The following DPRX variants were observed in gnomAD, a reference collection of about 807,000 sequenced individuals.
DPRX encodes the protein divergent-paired related homeobox, also known as divergent paired-related homeobox.
In DPRX, 11 loss-of-function variants were observed where a neutral mutation model predicts 8.4. The observed-to-expected ratio is 1.31, with a 90% CI of 0.82 to 2.17. The LOEUF (loss-of-function observed/expected upper bound fraction) is 2.17, where lower values mean the gene tolerates loss of function less well. Among genes scored for constraint, DPRX ranks in the 30% most tolerant of loss-of-function variants. DPRX has a pLI of 0.00. For missense variants in DPRX, 211 were observed against 236.7 expected, an observed-to-expected ratio of 0.89 and a Z score of 0.71; for synonymous variants, 72 against 87.0, an observed-to-expected ratio of 0.83 and a Z score of 0.96.
the DPRX span, chr19:53,602,194 G>A: frequency 2.0e-5 from 9 of 450,172 alleles, no homozygotes; most frequent in African/African-American, 1.2e-4. Context: ...GGGAGAACAG[G>A]TTCAACTTCA....
chr19:53,601,862 A>T, the DPRX span: 1 of 368,732 alleles, frequency 2.7e-6, no homozygotes, highest in African/African-American at 2.1e-5. Context: ...TGGGGGCTGG[A>T]GGGGGTGTCC....
the DPRX span, among the ~76,000 whole-genome samples, chr19:53,621,676 T>A: frequency 6.6e-6 from 1 of 151,750 alleles, no homozygotes. Context: ...TCCCAGCTGC[T>A]AGGGAGGTTG....
At chr19:53,603,302 C>A in the DPRX span, 2 of 454,660 alleles carry the variant, frequency 4.4e-6, no homozygotes, top group Non-Finnish European at 4.4e-6. Context: ...CGGCCCCCTG[C>A]CGCATGCTAT....
At chr19:53,616,936 AC>A in the DPRX span, 1 of 1,308,518 alleles carries the variant, frequency 7.6e-7, no homozygotes, top group Non-Finnish European at 1.1e-6. Context: ...CTTCCTCATC[AC>A]CAGAGGAATC....
At chr19:53,617,251 G>T in the DPRX span, 1 of 760,064 alleles carries the variant, frequency 1.3e-6, no homozygotes, top group Non-Finnish European at 2.4e-6. Flanking sequence ...TCTCTGATGG[G>T]TTAGAGTGCC....
the DPRX span, chr19:53,601,483 CTTTTTTTT>C: frequency 9.4e-5 from 29 of 309,158 alleles, no homozygotes; most frequent in South Asian, 7.1e-4. Flanking sequence ...AATGCCTATT[CTTTTTTTT>C]TTTTTTTTGA....
chr19:53,630,712 T>G (rs2091089359), upstream of DPRX, among the ~76,000 whole-genome samples: 1 of 151,926 alleles, frequency 6.6e-6, no homozygotes, highest in South Asian at 2.1e-4. Flanking sequence ...AGTAGAGATG[T>G]GCAGAACTGA....
chr19:53,616,881 C>G, the DPRX span: 2 of 1,562,044 alleles, frequency 1.3e-6, no homozygotes, highest in Non-Finnish European at 1.8e-6. Flanking sequence ...CCTGGCTGCA[C>G]ATGCCGTTGG....
chr19:53,618,448 A>G, the DPRX span, among the ~76,000 whole-genome samples: 1 of 151,782 alleles, frequency 6.6e-6, no homozygotes, highest in Non-Finnish European at 1.5e-5. Flanking sequence ...AATAAATACT[A>G]ATTAAAAAAC....
chr19:53,632,370 G>A (rs895322587), intron 1 of DPRX, among the ~76,000 whole-genome samples: 5 of 152,004 alleles, frequency 3.3e-5, no homozygotes, highest in African/African-American at 1.2e-4. Flanking sequence ...GCACGATTTC[G>A]GCTCACTGCA....
At chr19:53,612,832 G>A in the DPRX span, among the ~76,000 whole-genome samples, 3 of 152,122 alleles carry the variant, frequency 2.0e-5, no homozygotes, top group Non-Finnish European at 4.4e-5. Flanking sequence ...TGCAGGGGTC[G>A]GGCGGACGGG....
the DPRX span, among the ~76,000 whole-genome samples, chr19:53,626,702 C>T: frequency 6.6e-6 from 1 of 151,984 alleles, no homozygotes; most frequent in South Asian, 2.1e-4. Flanking sequence ...TCTCATGGGC[C>T]GTCTCAAGCA....
chr19:53,612,403 G>A, the DPRX span, among the ~76,000 whole-genome samples: 1 of 151,356 alleles, frequency 6.6e-6, no homozygotes, highest in East Asian at 2.0e-4. Flanking sequence ...GCAGACAGCA[G>A]CATAGAAATA....
the DPRX span, among the ~76,000 whole-genome samples, chr19:53,614,082 C>T: frequency 6.6e-6 from 1 of 151,984 alleles, no homozygotes; most frequent in Admixed American, 6.6e-5. Context: ...CTCCCAAGTG[C>T]TGGGACTACA....
At chr19:53,632,229 C>A in intron 1 of DPRX, 95 bp downstream of exon 1, 1 of 1,568,756 alleles carries the variant, frequency 6.4e-7, no homozygotes, top group Non-Finnish European at 8.8e-7. Flanking sequence ...GCGGCCGAAG[C>A]TGGTGCTTCG....
the DPRX span, among the ~76,000 whole-genome samples, chr19:53,623,522 C>T: frequency 0.79 from 119,831 of 151,648 alleles, 47,569 homozygotes; most frequent in Admixed American, 0.85. Flanking sequence ...CCTATAATCC[C>T]AGCTACTTGG....
chr19:53,619,450 G>A, the DPRX span, among the ~76,000 whole-genome samples: 2 of 152,136 alleles, frequency 1.3e-5, no homozygotes, highest in Admixed American at 6.6e-5. Context: ...CGAGACGGGC[G>A]GATCACCTGA....
the DPRX span, chr19:53,602,284 GT>G: frequency 2.9e-6 from 1 of 346,238 alleles, no homozygotes; most frequent in Non-Finnish European, 5.7e-6. Context: ...GTGTGTGTGT[GT>G]GTGTGTGTGT....
the DPRX span, among the ~76,000 whole-genome samples, chr19:53,618,563 G>A: frequency 1.1e-4 from 16 of 149,122 alleles, no homozygotes; most frequent in Admixed American, 9.4e-4. Context: ...TTGAACCAAG[G>A]AGTTCAAGGA....
Sources: gnomAD v4.1 joint callset for allele counts (sites outside exome capture counted in the v4.1 genomes callset) on GRCh38, gnomAD v4.1.1 for gene constraint, MANE v1.5 for transcripts, NCBI Gene and HGNC (gene_info 2026-07-23, HGNC 2026-07-21) for gene names.